Variants in ATP11A observed in about 807,000 individuals in gnomAD.
ATP11A encodes the protein ATPase phospholipid transporting 11A, also known as phospholipid-transporting ATPase IH.
In ATP11A, 81 loss-of-function variants were observed where a neutral mutation model predicts 154.4. The observed-to-expected ratio is 0.52, with a 90% confidence interval of 0.44 to 0.63. The LOEUF is 0.63. ATP11A is among the 30% of genes least tolerant of loss of function. The pLI is 0.00. For missense variants in ATP11A, 1,316 were observed against 1,474.3 expected (o/e 0.89, Z 1.76); for synonymous variants, 623 against 585.9 (o/e 1.06, Z -0.91).
intron 1 of ATP11A, among the ~76,000 whole-genome samples, chr13:112,773,253 A>G (rs892395): frequency 0.5 from 76,469 of 152,058 alleles, 20,250 homozygotes; most frequent in African/African-American, 0.67. Context: ...TCAGAACAGA[A>G]TGCAGGCTGT....
At chr13:112,780,644 G>A (rs971655649) in intron 1 of ATP11A, among the ~76,000 whole-genome samples, 1 of 152,146 alleles carries the variant, frequency 6.6e-6, no homozygotes, top group East Asian at 1.9e-4. Context: ...CCTTTGGTCG[G>A]TTTGTGTCCT....
At chr13:112,782,448 C>G (rs2077523278) in intron 1 of ATP11A, among the ~76,000 whole-genome samples, 1 of 152,194 alleles carries the variant, frequency 6.6e-6, no homozygotes. Flanking sequence ...TTTTCTGGTT[C>G]ACTTATATTC....
At position 112,838,774 on chromosome 13, in the gene ATP11A, C is replaced by T. The variant is rs766340858; in HGVS notation, c.1705+2523C>T. ...AGGAACTGAGAGCTTGCAGGAGAGA[C>T]GGCCCTGCCATCTGAAGCCAGCCAC... On this transcript the variant is annotated intron_variant, in intron 16 of 29. Coordinates refer to ENST00000375645, the MANE Select transcript of ATP11A (RefSeq NM_015205.3). The surrounding 1 kb of genome is among the most constrained non-coding windows in gnomAD (Gnocchi z 7.3). 5.3e-4 allele frequency among the ~76,000 whole-genome samples: 80 copies of T among 152,278 alleles called. 1 individual carries two copies. Among genetic ancestry groups the T allele is most frequent in the South Asian group, 1.7e-3 (8 of 4,814 alleles).
chr13:112,717,501 G>T (rs1225736702), intron 1 of ATP11A: 1 of 152,120 alleles, frequency 6.6e-6, no homozygotes, highest in Non-Finnish European at 1.5e-5. Flanking sequence ...ACATCCCCGG[G>T]TACTCTTGTG....
intron 2 of ATP11A, among the ~76,000 whole-genome samples, chr13:112,789,376 C>T (rs1405558495): frequency 6.6e-6 from 1 of 150,464 alleles, no homozygotes; most frequent in South Asian, 2.1e-4. Context: ...CTGTGGAGAC[C>T]TACTTAATTC....
At chr13:112,727,727 C>G (rs72660017) in intron 1 of ATP11A, among the ~76,000 whole-genome samples, 4 of 152,324 alleles carry the variant, frequency 2.6e-5, no homozygotes, top group Non-Finnish European at 5.9e-5. Flanking sequence ...TGGTGGCTGC[C>G]TGGGAAATTC....
At chr13:112,830,717 G>A (rs80195334) in intron 12 of ATP11A, among the ~76,000 whole-genome samples, 1,693 of 152,324 alleles carry the variant, frequency 0.011, 18 homozygotes, top group Middle Eastern at 0.024. Flanking sequence ...CTGTGGACGC[G>A]CCCAAGCTCA....
At chr13:112,700,634 A>C (rs1886407914) in intron 1 of ATP11A, among the ~76,000 whole-genome samples, 1 of 152,238 alleles carries the variant, frequency 6.6e-6, no homozygotes, top group African/African-American at 2.4e-5. Context: ...GGCCCAGTTC[A>C]GCCCCAGGTT....
intron 8 of ATP11A, among the ~76,000 whole-genome samples, chr13:112,820,830 A>G (rs1301685608): frequency 6.6e-6 from 1 of 152,366 alleles, no homozygotes; most frequent in East Asian, 1.9e-4. Flanking sequence ...GGGTAGGTAC[A>G]GCATTGTGTG....
intron 16 of ATP11A, among the ~76,000 whole-genome samples, chr13:112,836,832 G>A (rs866283915): frequency 4.6e-5 from 7 of 152,176 alleles, no homozygotes; most frequent in Non-Finnish European, 1.0e-4. Context: ...TGACCCACAC[G>A]GTTGGGCACT....
rs1461260532 is a variant in ATP11A at position 112,883,817 on chromosome 13, G to C, written c.*1951G>C. On this transcript the variant is annotated 3_prime_UTR_variant, in exon 30 of 30. Coordinates refer to ENST00000375645, the MANE Select transcript of ATP11A (RefSeq NM_015205.3). ...CCACGCTGCCCCCGCAAACAATGGTGTGTGCGTTTTTACAGCCCTTTTTAG... is the reference window on the plus strand; with the variant it reads ...CCACGCTGCCCCCGCAAACAATGGTCTGTGCGTTTTTACAGCCCTTTTTAG... 6.6e-6 allele frequency: 1 copy of C among 152,562 alleles called. No homozygotes were observed. The highest frequency in any genetic ancestry group is 2.4e-5 in the African/African-American group (1 of 41,454). The allele number at this position is 152,562 out of a possible 1,614,324, so 9.5% of individuals were successfully genotyped here. A position where few individuals can be genotyped will look rare whatever the true frequency, so the allele number is the denominator to read the frequency against.
rs61961112 is a variant in ATP11A at position 112,691,652 on chromosome 13, A to G, written c.39+1197A>G. On this transcript the variant is annotated intron_variant, in intron 1 of 29. Transcript: ENST00000375645. ...CACCGGGTTTGATACTAGAGAGGGC[A>G]GTATTATGGGAACTTTGTTCTTTCC... Among the ~76,000 whole-genome samples, 442 of 152,230 alleles carry G rather than the reference A, an allele frequency of 2.9e-3. 1 individual carries two copies. The highest frequency in any genetic ancestry group is 7.2e-3 in the Admixed American group (110 of 15,278).
rs143032136 is a variant in ATP11A at position 112,728,718 on chromosome 13, C to T, written c.39+38263C>T. Among the ~76,000 whole-genome samples the T allele has an allele frequency of 5.2e-3, 785 of 152,322 alleles. 7 individuals carry two copies. Among genetic ancestry groups the T allele is most frequent in the African/African-American group, 0.018 (742 of 41,564 alleles). On this transcript the variant is annotated intron_variant, in intron 1 of 29. Transcript: ENST00000375645. ...GCCTCCCTGTGTTACCTGCATGTAC[C>T]GCCTTATTAGTATTCATGGACCTTT...
rs1168604592 is a variant in ATP11A, at chr13:112,857,801, A to G, written c.2419-17A>G. ...GTGAAACAGAGAAGATAAATTCCGC[A>G]TTTCTTTCTTTTGCAGATTGTTAAA... On this transcript the variant is annotated splice_polypyrimidine_tract_variant and intron_variant, in intron 20 of 29. Coordinates refer to ENST00000375645, the MANE Select transcript of ATP11A (RefSeq NM_015205.3). The G allele has an allele frequency of 4.4e-6, 7 of 1,597,800 alleles. No individual in the cohort carries two copies. The highest frequency in any genetic ancestry group is 6.0e-6 in the Non-Finnish European group (7 of 1,165,254).
At chr13:112,701,575 G>T (rs1179521357) in intron 1 of ATP11A, among the ~76,000 whole-genome samples, 3 of 152,222 alleles carry the variant, frequency 2.0e-5, no homozygotes, top group African/African-American at 7.2e-5. Flanking sequence ...GCTCATGCCT[G>T]TAATCGCAGC....
intron 12 of ATP11A, among the ~76,000 whole-genome samples, chr13:112,831,013 A>T (rs1047332803): frequency 6.6e-6 from 1 of 151,806 alleles, no homozygotes; most frequent in Non-Finnish European, 1.5e-5. Context: ...ACCCACTTAC[A>T]CTCTGTCTTC....
chr13:112,825,655 A>G (rs2078914679), intron 11 of ATP11A, 75 bp downstream of exon 11: 2 of 1,492,690 alleles, frequency 1.3e-6, no homozygotes, highest in Non-Finnish European at 9.0e-7. Context: ...GTGCAAGAAA[A>G]AGATGACGGT....
At position 112,882,878 on chromosome 13, in the gene ATP11A, C is replaced by T; in HGVS notation, c.*1012C>T. Reference sequence around the variant, plus strand: ...GGTCAACACCAAGGTGGTGTTCGTGCACCAGAACCTGTCTCGGGCTGACGG... The same window carrying T: ...GGTCAACACCAAGGTGGTGTTCGTGTACCAGAACCTGTCTCGGGCTGACGG... On this transcript the variant is annotated 3_prime_UTR_variant, in exon 30 of 30. Transcript: ENST00000375645. This position sits in a 1 kb window ranked among gnomAD's most constrained non-coding sequence, Gnocchi z 5.1. The T allele has an allele frequency of 2.5e-6, 1 of 398,880 alleles. No homozygotes were observed. The highest frequency in any genetic ancestry group is 4.4e-6 in the Non-Finnish European group (1 of 226,276). 24.7% of individuals were successfully genotyped at this position (398,880 alleles called of 1,614,324 possible). A position where few individuals can be genotyped will look rare whatever the true frequency, so the allele number is the denominator to read the frequency against.
intron 1 of ATP11A, among the ~76,000 whole-genome samples, chr13:112,714,476 T>G (rs1056509427): frequency 6.6e-6 from 1 of 152,068 alleles, no homozygotes; most frequent in Non-Finnish European, 1.5e-5. Context: ...TTCTCCCTCC[T>G]CACTCCCCGA....
Sources: allele counts gnomAD v4.1 joint callset (sites outside exome capture counted in the v4.1 genomes callset), GRCh38; gene constraint gnomAD v4.1.1; non-coding constraint Gnocchi (gnomAD v3.1); transcripts MANE v1.5; gene names NCBI Gene and HGNC (gene_info 2026-07-23, HGNC 2026-07-21).